The following STAP2 variants were observed in gnomAD, a reference collection of about 807,000 sequenced individuals.
STAP2 encodes the protein signal transducing adaptor family member 2.
In STAP2, 58 loss-of-function variants were observed where a neutral mutation model predicts 52.7. The observed-to-expected ratio is 1.10, with a 90% CI of 0.89 to 1.37. The LOEUF (loss-of-function observed/expected upper bound fraction) is 1.37, where lower values mean the gene tolerates loss of function less well. Among genes scored for constraint, STAP2 ranks in the 40% most tolerant of loss-of-function variants. The pLI is 0.00. For synonymous variants in STAP2, 231 were observed against 210.5 expected (o/e 1.10, Z -0.84); for missense variants, 522 against 519.4 (o/e 1.00, Z -0.05).
chr19:4,338,601 G>T, intron 1 of STAP2, 51 bp downstream of exon 1: 1 of 977,708 alleles, frequency 1.0e-6, no homozygotes, highest in Non-Finnish European at 1.4e-6. Flanking sequence ...GAGAGGTGCC[G>T]CAGCTCCCCA....
intron 5 of STAP2, among the ~76,000 whole-genome samples, chr19:4,329,380 C>T (rs79156678): frequency 6.6e-6 from 1 of 151,898 alleles, no homozygotes; most frequent in African/African-American, 2.4e-5. Flanking sequence ...GCTGAGATGA[C>T]AGGCGCGAGC....
At chr19:4,329,331 C>A (rs1165532265) in intron 5 of STAP2, among the ~76,000 whole-genome samples, 4 of 151,800 alleles carry the variant, frequency 2.6e-5, no homozygotes, top group Non-Finnish European at 5.9e-5. Flanking sequence ...GGGTCTCGAA[C>A]TGGGTAAAAG....
In STAP2 at chr19:4,324,207, C is replaced by A. The variant is rs1462238231; in HGVS notation, c.1148-10G>T. ...GTCATGTCTGCCAGCCCTGGGGGTT[C>A]AGGACCAGGAGCTGCAGCTGGCTCA... On this transcript the variant is annotated splice_polypyrimidine_tract_variant and intron_variant, in intron 12 of 12. Coordinates refer to ENST00000594605, the MANE Select transcript of STAP2 (RefSeq NM_001013841.2). 2 of 1,550,708 alleles carry A rather than the reference C, an allele frequency of 1.3e-6. No individual in the cohort carries two copies. Among genetic ancestry groups the A allele is most frequent in the South Asian group, 2.4e-5 (2 of 84,052 alleles).
intron 4 of STAP2, among the ~76,000 whole-genome samples, chr19:4,330,625 C>T (rs993480756): frequency 2.6e-5 from 4 of 151,496 alleles, no homozygotes; most frequent in African/African-American, 9.7e-5. Flanking sequence ...ACTCAATGGC[C>T]TGCCAGGGTG....
intron 5 of STAP2, 124 bp from the exon 6 acceptor site, chr19:4,328,933 G>T (rs574927320): frequency 1.5e-6 from 2 of 1,361,428 alleles, no homozygotes; most frequent in East Asian, 2.6e-5. Flanking sequence ...ACCCTGCCCT[G>T]CTCTCCAGAC....
chr19:4,331,786 G>A (rs1971894386), intron 4 of STAP2, among the ~76,000 whole-genome samples: 1 of 151,978 alleles, frequency 6.6e-6, no homozygotes. Context: ...AAAAAAATTA[G>A]CCGGGCGTGG....
chr19:4,325,331 T>G (rs763162815), intron 10 of STAP2, 23 bp from the exon 11 acceptor site: 389 of 1,614,086 alleles, frequency 2.4e-4, no homozygotes, highest in Non-Finnish European at 3.1e-4. Flanking sequence ...AAGTGTAACG[T>G]GTCACATCAG....
At chr19:4,332,230 A>T (rs1599553244) in intron 3 of STAP2, 152 bp from the exon 4 acceptor site, 1 of 467,904 alleles carries the variant, frequency 2.1e-6, no homozygotes. Flanking sequence ...TTTGAGATGG[A>T]GTCTCATTCT....
At chr19:4,328,372 G>A (rs1156402049) in intron 6 of STAP2, 2 of 272,512 alleles carry the variant, frequency 7.3e-6, no homozygotes, top group Admixed American at 5.9e-5. Context: ...TCCGCCACCA[G>A]TGTACTCTGC....
At chr19:4,328,052 C>T (rs986223512) in intron 6 of STAP2, 27 of 160,432 alleles carry the variant, frequency 1.7e-4, no homozygotes, top group Middle Eastern at 6.4e-3. Flanking sequence ...CCTGACGTTC[C>T]GGAGGGGCCG....
In STAP2 at chr19:4,328,778, G is replaced by C. The variant is rs1428238490; in HGVS notation, c.487C>G (p.Gln163Glu). The change falls in exon 6 of 13, where the codon CAA becomes GAA. Residue 163 changes from glutamine to glutamate, a missense_variant. Gln to Glu is a conservative substitution (Grantham distance 29, BLOSUM62 2). Transcript: ENST00000594605. ...CFLKVSRLEA[Q>E]LLLERYPECG... is the part of the protein sequence containing the mutation. ...TCGGGGTAGCGCTCCAGGAGCAGTT[G>C]TGCCTCCAGCCGGCTCACCTTCAGG... 3.1e-6 allele frequency: 5 copies of C among 1,611,216 alleles called. No homozygotes were observed. Among genetic ancestry groups the C allele is most frequent in the Non-Finnish European group, 4.2e-6 (5 of 1,179,252 alleles).
At chr19:4,327,711 G>C (rs928197816) in intron 6 of STAP2, among the ~76,000 whole-genome samples, 12 of 151,618 alleles carry the variant, frequency 7.9e-5, no homozygotes, top group Non-Finnish European at 1.5e-4. Context: ...CCTAGGAAAG[G>C]TCCGCCCCTA....
chr19:4,334,083 C>T (rs776334911), intron 1 of STAP2, 39 bp from the exon 2 acceptor site: 86 of 1,568,754 alleles, frequency 5.5e-5, no homozygotes, highest in Non-Finnish European at 7.5e-5. Context: ...GTGAGCTGGC[C>T]AAGCTGAGTG....
chr19:4,329,820 T>TCCCCCCC, intron 5 of STAP2, 141 bp downstream of exon 5: 1 of 42,520 alleles, frequency 2.4e-5, no homozygotes, highest in South Asian at 4.7e-4. Flanking sequence ...CCCCTCCCCC[T>TCCCCCCC]CCCCCACCCC....
chr19:4,324,605 G>A lies in STAP2; in HGVS notation c.1073-76C>T, dbSNP rs1247670641. 2 of 1,484,686 alleles carry A rather than the reference G, an allele frequency of 1.3e-6. No homozygotes were observed. Among genetic ancestry groups the A allele is most frequent in the Non-Finnish European group, 1.8e-6 (2 of 1,089,880 alleles). The allele number at this position is 1,484,686 out of a possible 1,614,324, so 92.0% of individuals were successfully genotyped here. A position where few individuals can be genotyped will look rare whatever the true frequency, so the allele number is the denominator to read the frequency against. On this transcript the variant is annotated intron_variant, in intron 11 of 12. Coordinates refer to ENST00000594605, the MANE Select transcript of STAP2 (RefSeq NM_001013841.2). ...CCAGCACTTTGGGAGGCTGAGGTGGGTGGATCACTTGAGGTCAGGAGTTCG... is the reference window on the plus strand; with the variant it reads ...CCAGCACTTTGGGAGGCTGAGGTGGATGGATCACTTGAGGTCAGGAGTTCG...
At chr19:4,338,630 A>T (rs1972018347) in intron 1 of STAP2, 22 bp downstream of exon 1, 1 of 1,336,840 alleles carries the variant, frequency 7.5e-7, no homozygotes, top group African/African-American at 1.6e-5. Context: ...CAGCAGGGCC[A>T]GCCCCCGCCT....
At position 4,327,359 on chromosome 19, in the gene STAP2, A is replaced by T. The variant is rs1367520266; in HGVS notation, c.617T>A (p.Val206Glu). 6.2e-7 allele frequency: 1 copy of T among 1,613,992 alleles called. No individual in the cohort carries two copies. The highest frequency in any genetic ancestry group is 2.2e-5 in the East Asian group (1 of 44,860). The change falls in exon 7 of 13, where the codon GTG becomes GAG. Residue 206 changes from valine (V) to glutamate (E), a missense_variant. By Grantham distance (121) the Val-to-Glu change is moderately radical (BLOSUM62 -2). Coordinates refer to ENST00000594605, the MANE Select transcript of STAP2 (RefSeq NM_001013841.2). ...NGTHVVRHYKVKREGPKYVID... is the reference protein window; with the variant it reads ...NGTHVVRHYKEKREGPKYVID... The stretch of plus-strand genomic sequence containing the variant: ...CACGTACTTGGGGCCCTCCCGCTTC[A>T]CCTTGTAATGCCGGACCACGTGCGT...
At chr19:4,334,402 T>C (rs1971940187) in intron 1 of STAP2, among the ~76,000 whole-genome samples, 1 of 152,036 alleles carries the variant, frequency 6.6e-6, no homozygotes, top group Non-Finnish European at 1.5e-5. Context: ...AGCTACCCAC[T>C]AGCCATCTAT....
intron 3 of STAP2, 126 bp downstream of exon 3, chr19:4,333,568 G>A (rs1343045000): frequency 2.3e-6 from 3 of 1,329,380 alleles, no homozygotes; most frequent in East Asian, 2.6e-5. Flanking sequence ...CAAGACCCAA[G>A]TCTTACCCAG....
Sources: gnomAD v4.1 joint callset for allele counts (sites outside exome capture counted in the v4.1 genomes callset) on GRCh38, gnomAD v4.1.1 for gene constraint, MANE v1.5 for transcripts, NCBI Gene and HGNC (gene_info 2026-07-23, HGNC 2026-07-21) for gene names.